BMAL2: variants seen among roughly 807,000 people sequenced by gnomAD.
The protein encoded by BMAL2 is basic helix-loop-helix ARNT-like protein 2.
At chr12:27,345,675 G>GT in the BMAL2 span, among the ~76,000 whole-genome samples, 3 of 151,474 alleles carry the variant, frequency 2.0e-5, no homozygotes, top group South Asian at 2.1e-4. Context: ...TTGTACTTTT[G>GT]TTTTTTTTGT....
chr12:27,374,770 G>A, the BMAL2 span, among the ~76,000 whole-genome samples: 1 of 152,166 alleles, frequency 6.6e-6, no homozygotes, highest in South Asian at 2.1e-4. Flanking sequence ...GTCTTCACTT[G>A]GCCTCCACTG....
the BMAL2 span, among the ~76,000 whole-genome samples, chr12:27,410,546 G>A: frequency 8.7e-4 from 132 of 152,256 alleles, no homozygotes; most frequent in South Asian, 1.9e-3. Context: ...ATTGAACAAT[G>A]AGAACACATG....
chr12:27,340,731 C>A, the BMAL2 span, among the ~76,000 whole-genome samples: 3 of 152,156 alleles, frequency 2.0e-5, no homozygotes, highest in African/African-American at 7.2e-5. Context: ...TTGATTCTTC[C>A]TATCCATGAG....
At chr12:27,353,199 A>G in the BMAL2 span, among the ~76,000 whole-genome samples, 1 of 152,232 alleles carries the variant, frequency 6.6e-6, no homozygotes, top group African/African-American at 2.4e-5. Context: ...GCAGTAACCA[A>G]AACAGCATGA....
At chr12:27,381,937 A>G in the BMAL2 span, among the ~76,000 whole-genome samples, 4 of 152,292 alleles carry the variant, frequency 2.6e-5, no homozygotes, top group East Asian at 7.7e-4. Context: ...TTAGATCTCA[A>G]ACACTGCCAG....
the BMAL2 span, chr12:27,385,452 C>T: frequency 6.7e-6 from 10 of 1,490,304 alleles, no homozygotes; most frequent in Non-Finnish European, 9.3e-6. Context: ...TACTATATTT[C>T]CAATAACTCT....
the BMAL2 span, chr12:27,387,140 T>A: frequency 1.2e-6 from 1 of 854,632 alleles, no homozygotes; most frequent in Admixed American, 2.3e-5. Flanking sequence ...CACAGTAATT[T>A]CCTCAGAATC....
chr12:27,394,778 T>C, the BMAL2 span, among the ~76,000 whole-genome samples: 1 of 152,208 alleles, frequency 6.6e-6, no homozygotes, highest in African/African-American at 2.4e-5. Context: ...GATAATTAGG[T>C]TTGGATGAGG....
chr12:27,376,420 A>G, the BMAL2 span: 1 of 1,606,426 alleles, frequency 6.2e-7, no homozygotes, highest in Non-Finnish European at 8.5e-7. Flanking sequence ...GTACATGGTG[A>G]GTGGAAAGGT....
the BMAL2 span, among the ~76,000 whole-genome samples, chr12:27,395,568 AAAC>A: frequency 2.6e-5 from 4 of 152,190 alleles, no homozygotes; most frequent in Non-Finnish European, 5.9e-5. Flanking sequence ...TAAGAAAAAA[AAAC>A]AACCAAGCAG....
the BMAL2 span, among the ~76,000 whole-genome samples, chr12:27,385,927 GCTTA>G: frequency 6.6e-6 from 1 of 152,066 alleles, no homozygotes; most frequent in African/African-American, 2.4e-5. Flanking sequence ...GCCAGTCACT[GCTTA>G]CTTAGAGTTG....
chr12:27,363,148 T>C, the BMAL2 span, among the ~76,000 whole-genome samples: 1 of 152,198 alleles, frequency 6.6e-6, no homozygotes, highest in South Asian at 2.1e-4. Flanking sequence ...TGAGTATAGC[T>C]GGACTTCATT....
At chr12:27,370,630 G>A in the BMAL2 span, among the ~76,000 whole-genome samples, 1 of 152,004 alleles carries the variant, frequency 6.6e-6, no homozygotes, top group Admixed American at 6.5e-5. Context: ...TTTTGAGACA[G>A]AGTCTCACTC....
At chr12:27,353,734 CAA>C in the BMAL2 span, among the ~76,000 whole-genome samples, 1 of 151,932 alleles carries the variant, frequency 6.6e-6, no homozygotes, top group African/African-American at 2.4e-5. Flanking sequence ...CAGCAACAAA[CAA>C]CTGTATTAAA....
At chr12:27,400,123 TTTTGAATA>T in the BMAL2 span, among the ~76,000 whole-genome samples, 1 of 152,132 alleles carries the variant, frequency 6.6e-6, no homozygotes, top group Non-Finnish European at 1.5e-5. Flanking sequence ...CTTTTTAAAG[TTTTGAATA>T]TAAGTTACGA....
At chr12:27,370,245 G>T in the BMAL2 span, 1 of 1,577,086 alleles carries the variant, frequency 6.3e-7, no homozygotes, top group Non-Finnish European at 8.7e-7. Context: ...GTCCTGGACT[G>T]TCTTTGACAT....
the BMAL2 span, among the ~76,000 whole-genome samples, chr12:27,361,435 A>G: frequency 6.6e-6 from 1 of 152,204 alleles, no homozygotes; most frequent in Non-Finnish European, 1.5e-5. Flanking sequence ...CGTTTAACCT[A>G]AATTCTGTAT....
At chr12:27,350,599 C>T in the BMAL2 span, among the ~76,000 whole-genome samples, 1 of 152,198 alleles carries the variant, frequency 6.6e-6, no homozygotes, top group African/African-American at 2.4e-5. Flanking sequence ...GTGTACATGG[C>T]TCTTGGAATA....
At chr12:27,415,820 C>T in the BMAL2 span, 1 of 1,333,336 alleles carries the variant, frequency 7.5e-7, no homozygotes. Flanking sequence ...AGAAAATTTC[C>T]TTCTAAAATA....
Sources: allele counts gnomAD v4.1 joint callset (sites outside exome capture counted in the v4.1 genomes callset), GRCh38; gene constraint gnomAD v4.1.1; transcripts MANE v1.5; gene names NCBI Gene and HGNC (gene_info 2026-07-23, HGNC 2026-07-21).